Variants in ZNF74 observed in about 807,000 individuals in gnomAD.
ZNF74 encodes zinc finger protein 74, also known as zinc finger protein 520.
ZNF74 carries 12 observed loss-of-function variants against 17.7 expected under a neutral mutation model. That is an observed-to-expected ratio of 0.68 (90% confidence interval 0.43 to 1.10). ZNF74 has a LOEUF of 1.10. Ranked by LOEUF, ZNF74 falls within the 50% of genes least tolerant of loss-of-function variation. The pLI is 0.00. For missense variants in ZNF74, 811 were observed against 881.0 expected, an observed-to-expected ratio of 0.92 and a Z score of 1.01; for synonymous variants, 358 against 362.1, an observed-to-expected ratio of 0.99 and a Z score of 0.13.
Position 20,394,512 on chromosome 22 carries a change from CGG to C in ZNF74, c.-114_-113del. On this transcript the variant is annotated 5_prime_UTR_variant, in exon 1 of 5. Transcript: ENST00000400451. ...CAGCTGTGAGCGCGTGGCCGCCCCG[CGG>C]GGCTCCGCTGCAGGCCCCTCAGCCC... 1.8e-6 allele frequency: 2 copies of C among 1,102,432 alleles called. No individual in the cohort carries two copies. The highest frequency in any genetic ancestry group is 4.8e-5 in the East Asian group (2 of 41,572). 68.3% of individuals were successfully genotyped at this position (1,102,432 alleles called of 1,614,324 possible).
At chr22:20,399,571 C>CTTTTTTTTTTTT (rs362136) in intron 2 of ZNF74, 5 of 342,098 alleles carry the variant, frequency 1.5e-5, no homozygotes, top group Non-Finnish European at 2.8e-5. Context: ...TTTACATGTC[C>CTTTTTTTTTTTT]TTTTTTTTTT....
At position 20,400,758 on chromosome 22, in the gene ZNF74, G is replaced by A; in HGVS notation, c.247G>A (p.Gly83Arg). 1 of 1,613,972 alleles carries A rather than the reference G, an allele frequency of 6.2e-7. No individual in the cohort carries two copies. The highest frequency in any genetic ancestry group is 8.5e-7 in the Non-Finnish European group (1 of 1,179,926). The change falls in exon 3 of 5, where the codon GGA becomes AGA. Residue 83 changes from glycine (G) to arginine (R), a missense_variant and splice_region_variant. Gly to Arg is a moderately radical substitution (Grantham distance 125). Coordinates refer to ENST00000400451, the MANE Select transcript of ZNF74 (RefSeq NM_003426.4). ...GAACTACCAGAACCTTCTTGCCCTAGGTAAAATCCCCCCAGCCCCAGGCTG... is the reference window on the plus strand; with the variant it reads ...GAACTACCAGAACCTTCTTGCCCTAAGTAAAATCCCCCCAGCCCCAGGCTG... ...LENYQNLLAL[G>R]PPLHKPDVIS...
intron 2 of ZNF74, among the ~76,000 whole-genome samples, chr22:20,398,061 G>T (rs1341079040): frequency 6.6e-6 from 1 of 152,192 alleles, no homozygotes; most frequent in African/African-American, 2.4e-5. Flanking sequence ...GCTCACGCCT[G>T]TAACCCCAGC....
At chr22:20,399,482 A>G in intron 2 of ZNF74, 1 of 256,020 alleles carries the variant, frequency 3.9e-6, no homozygotes, top group Admixed American at 5.4e-5. Flanking sequence ...TTGCTTTTTG[A>G]ATTCAGTTTG....
chr22:20,406,572 G>A lies in ZNF74; in HGVS notation c.1539G>A (p.Ser513=). ...SQCWKAFSCH[S]SLIVHQRIHT... The stretch of plus-strand genomic sequence containing the variant: ...GTTGGAAGGCCTTCAGCTGCCACTC[G>A]TCCCTCATCGTGCACCAGCGCATCC... The change falls in exon 5 of 5, where the codon TCG becomes TCA. Residue 513 remains serine, a synonymous_variant. Coordinates refer to ENST00000400451, the MANE Select transcript of ZNF74 (RefSeq NM_003426.4). 2 of 1,613,740 alleles carry A rather than the reference G, an allele frequency of 1.2e-6. No homozygotes were observed. The highest frequency in any genetic ancestry group is 1.1e-5 in the South Asian group (1 of 91,048).
chr22:20,406,978 C>A lies in ZNF74; in HGVS notation c.*10C>A. The A allele has an allele frequency of 6.2e-7, 1 of 1,602,900 alleles. No homozygotes were observed. The highest frequency in any genetic ancestry group is 8.5e-7 in the Non-Finnish European group (1 of 1,174,254). ...CAAACCTCGAAACTAACATGATGTGCTTTGGTGTCAGTAGCTGCTTTCTGA... is the reference window on the plus strand; with the variant it reads ...CAAACCTCGAAACTAACATGATGTGATTTGGTGTCAGTAGCTGCTTTCTGA... On this transcript the variant is annotated 3_prime_UTR_variant, in exon 5 of 5. Transcript: ENST00000400451.
Position 20,397,996 on chromosome 22 carries a change from T to C in ZNF74, c.120+2578T>C, listed in dbSNP as rs115848859. Among the ~76,000 whole-genome samples the C allele has an allele frequency of 4.5e-3, 689 of 152,284 alleles. 3 individuals carry two copies. Among genetic ancestry groups the C allele is most frequent in the African/African-American group, 0.016 (662 of 41,536 alleles). ...TTGGATCAAGGCCCACTGCATTGAA[T>C]TCATTTTAACTGAATTACTTCTTTA... On this transcript the variant is annotated intron_variant, in intron 2 of 4. Transcript: ENST00000400451.
In ZNF74 at chr22:20,405,414, C is replaced by T; in HGVS notation, c.381C>T (p.Gly127=). 6.2e-7 allele frequency: 1 copy of T among 1,613,118 alleles called. No homozygotes were observed. The highest frequency in any genetic ancestry group is 8.5e-7 in the Non-Finnish European group (1 of 1,179,802). ...ELKAVPSQQQ[G]ICKEEPAQEP... is the part of the protein sequence containing the mutation. ...AGGCGGTGCCCTCTCAACAGCAGGG[C>T]ATTTGCAAAGAAGAACCGGCCCAGG... The change falls in exon 5 of 5, where the codon GGC becomes GGT. Residue 127 remains glycine, a synonymous_variant. Transcript: ENST00000400451.
chr22:20,394,734 G>C, intron 1 of ZNF74, 72 bp downstream of exon 1: 2 of 1,466,484 alleles, frequency 1.4e-6, no homozygotes, highest in East Asian at 4.6e-5. Flanking sequence ...AGAGAGATCA[G>C]GCCAGTTTCC....
rs771045364 is a variant in ZNF74 at position 20,394,602 on chromosome 22, C to T, written c.-27C>T. The T allele has an allele frequency of 7.4e-6, 12 of 1,613,824 alleles. No individual in the cohort carries two copies. Among genetic ancestry groups the T allele is most frequent in the Non-Finnish European group, 2.5e-6 (3 of 1,179,860 alleles). Reference sequence around the variant, plus strand: ...CCTGGAGGCTACACAGCTGCCCACTCCTCCTGGGGAGGCTGCCGTGGAGGC... The same window carrying T: ...CCTGGAGGCTACACAGCTGCCCACTTCTCCTGGGGAGGCTGCCGTGGAGGC... On this transcript the variant is annotated 5_prime_UTR_variant, in exon 1 of 5. Transcript: ENST00000400451.
chr22:20,402,896 C>T (rs972337673), intron 4 of ZNF74, among the ~76,000 whole-genome samples: 5 of 152,016 alleles, frequency 3.3e-5, no homozygotes, highest in Admixed American at 1.3e-4. Flanking sequence ...TGCTTGAACC[C>T]GGGAGGCAGA....
chr22:20,406,460 A>AGCGGCGAG lies in ZNF74; in HGVS notation c.1428_1429insCGGCGAGG (p.Cys477ArgfsTer137). Reference sequence around the variant, plus strand: ...GGCGAGAAGCCCTTCAAGTGCAACGAGTGCGGCAAAGCCTTCAGCTCCCAC... The same window carrying AGCGGCGAG: ...GGCGAGAAGCCCTTCAAGTGCAACGAGCGGCGAGGTGCGGCAAAGCCTTCAGCTCCCAC... On this transcript the variant is annotated frameshift_variant, in exon 5 of 5. Coordinates refer to ENST00000400451, the MANE Select transcript of ZNF74 (RefSeq NM_003426.4). LOFTEE classifies it low-confidence loss of function (END_TRUNC). The AGCGGCGAG allele has an allele frequency of 6.2e-7, 1 of 1,614,032 alleles. No homozygotes were observed. The highest frequency in any genetic ancestry group is 8.5e-7 in the Non-Finnish European group (1 of 1,179,964).
Position 20,398,587 on chromosome 22 carries a change from G to A in ZNF74, c.121-2045G>A, listed in dbSNP as rs138637387. Among the ~76,000 whole-genome samples the A allele has an allele frequency of 4.5e-3, 685 of 152,246 alleles. 3 individuals are homozygous for A. Among genetic ancestry groups the A allele is most frequent in the Admixed American group, 9.8e-3 (150 of 15,298 alleles). On this transcript the variant is annotated intron_variant, in intron 2 of 4. Transcript: ENST00000400451. Reference sequence around the variant, plus strand: ...AAATACCTAGGTGTGAAATTGCTGAGCCATATAGTAAATATATGTTTGTCA... The same window carrying A: ...AAATACCTAGGTGTGAAATTGCTGAACCATATAGTAAATATATGTTTGTCA...
intron 2 of ZNF74, among the ~76,000 whole-genome samples, chr22:20,398,349 G>A (rs931272864): frequency 6.5e-5 from 9 of 139,166 alleles, no homozygotes; most frequent in Admixed American, 5.1e-4. Context: ...AACCTCTCTC[G>A]GAGTTACCAA....
At chr22:20,395,129 G>C (rs1332521133) in intron 1 of ZNF74, 1 of 500,264 alleles carries the variant, frequency 2.0e-6, no homozygotes. Flanking sequence ...AGCTCTTTTC[G>C]TCATGAATTG....
At position 20,394,608 on chromosome 22, in the gene ZNF74, G is replaced by A; in HGVS notation, c.-21G>A. 1 of 1,613,900 alleles carries A rather than the reference G, an allele frequency of 6.2e-7. No individual in the cohort carries two copies. Among genetic ancestry groups the A allele is most frequent in the East Asian group, 2.2e-5 (1 of 44,876 alleles). ...GGCTACACAGCTGCCCACTCCTCCT[G>A]GGGAGGCTGCCGTGGAGGCCATGGA... is the stretch of plus-strand genomic sequence containing the variant. On this transcript the variant is annotated 5_prime_UTR_variant, in exon 1 of 5. Transcript: ENST00000400451.
rs1377194463 is a variant in ZNF74, at chr22:20,401,834, G to C, written c.343+462G>C. 2.0e-5 allele frequency among the ~76,000 whole-genome samples: 3 copies of C among 152,122 alleles called. No individual in the cohort carries two copies. The highest frequency in any genetic ancestry group is 7.2e-5 in the African/African-American group (3 of 41,434). On this transcript the variant is annotated intron_variant, in intron 4 of 4. Coordinates refer to ENST00000400451, the MANE Select transcript of ZNF74 (RefSeq NM_003426.4). The surrounding 1 kb of genome is among the most constrained non-coding windows in gnomAD (Gnocchi z 4.2). ...AGCATCAGCATCAGGGCCAGTGTGA[G>C]CATCAGTGTCAGGGCCATCATCAGC...
chr22:20,403,396 C>T (rs2052380298), intron 4 of ZNF74, among the ~76,000 whole-genome samples: 1 of 151,698 alleles, frequency 6.6e-6, no homozygotes, highest in Non-Finnish European at 1.5e-5. Flanking sequence ...CATCCTCTCC[C>T]CCATTTCCTC....
rs772198434 is a variant in ZNF74 at position 20,405,466 on chromosome 22, G to A, written c.433G>A (p.Gly145Arg). 6.2e-7 allele frequency: 1 copy of A among 1,611,944 alleles called. No homozygotes were observed. The highest frequency in any genetic ancestry group is 1.1e-5 in the South Asian group (1 of 90,904). Residue 145 changes from glycine (G) to arginine (R), a missense_variant, in exon 5 of 5, where the codon GGG becomes AGG. Around this residue, in one of 3 missense-constraint regions of ZNF74, gnomAD observed 666 missense variants for 702.3 expected, o/e 0.95. Transcript: ENST00000400451. Reference sequence around the variant, plus strand: ...GCCCATCATGGAGCGGCCCCTCGGCGGGGCGCAGGCGTGGGGGCGCCAGGC... The same window carrying A: ...GCCCATCATGGAGCGGCCCCTCGGCAGGGCGCAGGCGTGGGGGCGCCAGGC... ...QEPIMERPLG[G>R]AQAWGRQAGA...
Sources: allele counts gnomAD v4.1 joint callset (sites outside exome capture counted in the v4.1 genomes callset), GRCh38; gene constraint gnomAD v4.1.1; regional missense constraint gnomAD v4.1.1; non-coding constraint Gnocchi (gnomAD v3.1); transcripts MANE v1.5; gene names NCBI Gene and HGNC (gene_info 2026-07-23, HGNC 2026-07-21).